C1QTNF3: variants seen among roughly 807,000 people sequenced by gnomAD.
C1QTNF3 encodes C1q and TNF related 3.
Under a neutral mutation model 32.6 loss-of-function variants are expected in C1QTNF3, and 26 were observed. The ratio of observed to expected loss-of-function variants is 0.80; its 90% confidence interval spans 0.58 to 1.11. The LOEUF (loss-of-function observed/expected upper bound fraction) is 1.11, where lower values mean the gene tolerates loss of function less well. Among genes scored for constraint, C1QTNF3 ranks in the 50% least tolerant of loss-of-function variants. C1QTNF3 has a pLI of 0.00. For synonymous variants in C1QTNF3, 155 were observed against 146.0 expected, an observed-to-expected ratio of 1.06 and a Z score of -0.44; for missense variants, 362 against 398.2, an observed-to-expected ratio of 0.91 and a Z score of 0.77.
At chr5:34,116,687 C>G in the C1QTNF3 span, among the ~76,000 whole-genome samples, 1 of 151,342 alleles carries the variant, frequency 6.6e-6, no homozygotes, top group South Asian at 2.1e-4. Context: ...CTCCGTCTCC[C>G]AGGTTGAAGC....
the C1QTNF3 span, among the ~76,000 whole-genome samples, chr5:34,213,184 C>T: frequency 6.6e-6 from 1 of 152,004 alleles, no homozygotes; most frequent in African/African-American, 2.4e-5. Context: ...ACGTTTACAT[C>T]AATAAGAGAC....
chr5:34,062,217 T>C, the C1QTNF3 span, among the ~76,000 whole-genome samples: 1 of 152,200 alleles, frequency 6.6e-6, no homozygotes, highest in Non-Finnish European at 1.5e-5. Context: ...TTCCTGAGTA[T>C]TTCATAACAA....
At chr5:34,115,332 G>A in the C1QTNF3 span, among the ~76,000 whole-genome samples, 1 of 152,146 alleles carries the variant, frequency 6.6e-6, no homozygotes, top group East Asian at 1.9e-4. Context: ...TGTCTGCTAA[G>A]TATATGCTTG....
chr5:34,088,278 GA>G, the C1QTNF3 span, among the ~76,000 whole-genome samples: 1 of 152,068 alleles, frequency 6.6e-6, no homozygotes, highest in African/African-American at 2.4e-5. Flanking sequence ...CCACATTCTT[GA>G]ATTCATTTTT....
Position 34,017,863 on chromosome 5 carries a change from T to C in C1QTNF3, c.*2720A>G, listed in dbSNP as rs1754231949. Among the ~76,000 whole-genome samples, 2 of 152,082 alleles carry C rather than the reference T, an allele frequency of 1.3e-5. No individual in the cohort carries two copies. Among genetic ancestry groups the C allele is most frequent in the African/African-American group, 2.4e-5 (1 of 41,442 alleles). The stretch of plus-strand genomic sequence containing the variant: ...AATTTAATCAAAGGAAATAATTATA[T>C]GCACACATAGTTTATTTTTTTAAAA... On this transcript the variant is annotated 3_prime_UTR_variant, in exon 6 of 6. Transcript: ENST00000382065.
Position 34,043,103 on chromosome 5 carries a change from TAG to T in C1QTNF3, c.21_22del (p.Tyr8LeufsTer17), listed in dbSNP as rs1561062604. 1 of 1,613,124 alleles carries T rather than the reference TAG, an allele frequency of 6.2e-7. No homozygotes were observed. The highest frequency in any genetic ancestry group is 8.5e-7 in the Non-Finnish European group (1 of 1,179,916). The stretch of plus-strand genomic sequence containing the variant: ...GAAAAACAAAGCCAGCAGTTGCCAA[TAG>T]ATGAGCTGCCTCCAAAGCATGATTC... On this transcript the variant is annotated frameshift_variant, in exon 1 of 6. Transcript: ENST00000382065. LOFTEE classifies it high-confidence loss of function.
the C1QTNF3 span, among the ~76,000 whole-genome samples, chr5:34,148,048 C>T: frequency 2.6e-5 from 4 of 151,848 alleles, no homozygotes; most frequent in Admixed American, 1.3e-4. Flanking sequence ...ACCTGGGAAG[C>T]GCAAGGGGTC....
the C1QTNF3 span, among the ~76,000 whole-genome samples, chr5:34,148,099 G>A: frequency 2.0e-5 from 3 of 150,918 alleles, no homozygotes; most frequent in African/African-American, 7.3e-5. Context: ...GGTGACGGAC[G>A]CACCTGGAAA....
chr5:34,223,914 C>A, the C1QTNF3 span, among the ~76,000 whole-genome samples: 4 of 152,124 alleles, frequency 2.6e-5, no homozygotes, highest in East Asian at 7.7e-4. Flanking sequence ...ATTGTCTCAG[C>A]CCAAAATCTC....
At chr5:34,177,829 T>C in the C1QTNF3 span, among the ~76,000 whole-genome samples, 5 of 151,860 alleles carry the variant, frequency 3.3e-5, no homozygotes, top group Admixed American at 2.6e-4. Context: ...GTCCATGTTG[T>C]GCAGACTGGT....
chr5:34,069,308 CT>C, the C1QTNF3 span, among the ~76,000 whole-genome samples: 7 of 150,406 alleles, frequency 4.7e-5, no homozygotes, highest in African/African-American at 1.7e-4. Context: ...TCTTCATTTA[CT>C]TTTTCAACAG....
chr5:34,161,223 A>G, the C1QTNF3 span, among the ~76,000 whole-genome samples: 5 of 152,212 alleles, frequency 3.3e-5, no homozygotes, highest in Non-Finnish European at 4.4e-5. Context: ...TCATAGCTCA[A>G]TGTGGGCAAC....
chr5:34,092,638 T>C, the C1QTNF3 span, among the ~76,000 whole-genome samples: 1 of 151,260 alleles, frequency 6.6e-6, no homozygotes, highest in South Asian at 2.1e-4. Flanking sequence ...TGTTCTGTTA[T>C]GATGACTACT....
chr5:34,024,371 G>A (rs902070534), intron 4 of C1QTNF3: 11 of 192,408 alleles, frequency 5.7e-5, no homozygotes, highest in African/African-American at 2.3e-4. Flanking sequence ...TGTTACCAAG[G>A]TGCAGAGATG....
chr5:34,070,503 T>C, the C1QTNF3 span, among the ~76,000 whole-genome samples: 1 of 152,182 alleles, frequency 6.6e-6, no homozygotes, highest in South Asian at 2.1e-4. Flanking sequence ...GAATAACTAG[T>C]TAGCAATTAC....
At chr5:34,054,794 G>A in the C1QTNF3 span, among the ~76,000 whole-genome samples, 1 of 152,038 alleles carries the variant, frequency 6.6e-6, no homozygotes, top group African/African-American at 2.4e-5. Context: ...TTTTGGTTTT[G>A]TCTGTATCTT....
At chr5:34,137,866 C>G in the C1QTNF3 span, among the ~76,000 whole-genome samples, 11 of 152,122 alleles carry the variant, frequency 7.2e-5, no homozygotes, top group Non-Finnish European at 1.3e-4. Flanking sequence ...GATTTGTGAT[C>G]CCCCCAATTC....
At chr5:34,173,523 T>C in the C1QTNF3 span, among the ~76,000 whole-genome samples, 72 of 135,806 alleles carry the variant, frequency 5.3e-4, no homozygotes, top group East Asian at 0.013. Flanking sequence ...TATAATCGTC[T>C]CATTCAAGAC....
chr5:34,217,194 T>C, the C1QTNF3 span, among the ~76,000 whole-genome samples: 5 of 152,278 alleles, frequency 3.3e-5, no homozygotes, highest in East Asian at 9.6e-4. Flanking sequence ...TAATATTAAC[T>C]TGATGAATAC....
Sources: gnomAD v4.1 joint callset for allele counts (sites outside exome capture counted in the v4.1 genomes callset) on GRCh38, gnomAD v4.1.1 for gene constraint, MANE v1.5 for transcripts, NCBI Gene and HGNC (gene_info 2026-07-23, HGNC 2026-07-21) for gene names.